The following SEMA6D variants were observed in gnomAD, a reference collection of about 807,000 sequenced individuals.
The protein encoded by SEMA6D is semaphorin 6D.
Under a neutral mutation model 106.6 loss-of-function variants are expected in SEMA6D, and 35 were observed. The observed-to-expected ratio is 0.33, with a 90% CI of 0.25 to 0.44. The LOEUF is 0.44. SEMA6D is among the 20% of genes least tolerant of loss of function. The pLI, the probability that SEMA6D is intolerant of heterozygous loss-of-function variation, is 1.00. For missense variants in SEMA6D, 1,185 were observed against 1,345.9 expected (o/e 0.88, Z 1.87); for synonymous variants, 499 against 487.7 (o/e 1.02, Z -0.31).
intron 4 of SEMA6D, among the ~76,000 whole-genome samples, chr15:47,711,142 T>C (rs917435521): frequency 1.3e-5 from 2 of 151,308 alleles, no homozygotes; most frequent in Admixed American, 6.6e-5. Context: ...ACCCCGTCTC[T>C]ACTAAAAATA....
chr15:47,634,817 G>C lies in SEMA6D; in HGVS notation c.-55+33921G>C, dbSNP rs80161803. On this transcript the variant is annotated intron_variant, in intron 4 of 19. Coordinates refer to the SEMA6D transcript ENST00000558014. ...GAAGAGCACTGCCTGCTTCTTCGGG[G>C]GTGGGGGCGGGGTGGAAGTTCAACT... Among the ~76,000 whole-genome samples, 1,182 of 151,992 alleles carry C rather than the reference G, an allele frequency of 7.8e-3. 17 individuals are homozygous for C. The highest frequency in any genetic ancestry group is 0.027 in the African/African-American group (1,129 of 41,428).
chr15:47,450,630 G>A (rs777811917), intron 2 of SEMA6D, among the ~76,000 whole-genome samples: 7 of 152,018 alleles, frequency 4.6e-5, no homozygotes, highest in Non-Finnish European at 8.8e-5. Flanking sequence ...ATCTCATAAG[G>A]TGACCTCAAG....
At chr15:47,593,846 C>G (rs1466402787) in intron 3 of SEMA6D, among the ~76,000 whole-genome samples, 3 of 152,106 alleles carry the variant, frequency 2.0e-5, no homozygotes. Context: ...CAGTGCTACA[C>G]ACTTAAACAA....
intron 2 of SEMA6D, among the ~76,000 whole-genome samples, chr15:47,416,228 T>C (rs1378922116): frequency 1.3e-5 from 2 of 152,118 alleles, no homozygotes; most frequent in Non-Finnish European, 2.9e-5. Context: ...GCAGCATCAT[T>C]TGTACCTTCT....
At chr15:47,359,393 A>G (rs902616770) in intron 1 of SEMA6D, 9 of 152,172 alleles carry the variant, frequency 5.9e-5, no homozygotes, top group African/African-American at 1.9e-4. Context: ...TAATGACTTA[A>G]TAAGTGTAAA....
intron 4 of SEMA6D, among the ~76,000 whole-genome samples, chr15:47,700,285 G>A (rs2078783337): frequency 6.6e-6 from 1 of 152,100 alleles, no homozygotes; most frequent in Admixed American, 6.5e-5. Context: ...CTGATTCTTG[G>A]GAGGCCAAGG....
intron 1 of SEMA6D, among the ~76,000 whole-genome samples, chr15:47,355,975 G>A (rs1275108758): frequency 6.6e-6 from 1 of 152,200 alleles, no homozygotes; most frequent in Non-Finnish European, 1.5e-5. Context: ...GGCATAGTGA[G>A]CTCTGAGAAT....
intron 3 of SEMA6D, among the ~76,000 whole-genome samples, chr15:47,490,988 C>G (rs1392005262): frequency 6.6e-6 from 1 of 152,084 alleles, no homozygotes; most frequent in Non-Finnish European, 1.5e-5. Context: ...AGTTTTCATT[C>G]ACATTGCTAG....
chr15:47,734,522 A>G (rs190283423), intron 1 of SEMA6D, among the ~76,000 whole-genome samples: 2 of 152,286 alleles, frequency 1.3e-5, no homozygotes, highest in African/African-American at 4.8e-5. Context: ...CTTGTCACCA[A>G]TGAAATTTAC....
intron 3 of SEMA6D, among the ~76,000 whole-genome samples, chr15:47,579,849 A>G (rs1314906895): frequency 6.6e-6 from 1 of 152,200 alleles, no homozygotes; most frequent in African/African-American, 2.4e-5. Context: ...GTAAAGAATC[A>G]TCACAAAATA....
At chr15:47,498,798 A>T (rs2043753376) in intron 3 of SEMA6D, among the ~76,000 whole-genome samples, 1 of 152,172 alleles carries the variant, frequency 6.6e-6, no homozygotes, top group Non-Finnish European at 1.5e-5. Context: ...ACTGCAGATC[A>T]GGAGAATCGT....
rs71118183 is a variant in SEMA6D, at chr15:47,454,599, G to GCACACACACACACACA, written c.-158-15862_-158-15847dup. Among the ~76,000 whole-genome samples the GCACACACACACACACA allele has an allele frequency of 6.1e-4, 91 of 148,986 alleles. 1 individual carries two copies. The highest frequency in any genetic ancestry group is 1.2e-3 in the African/African-American group (47 of 40,468). On this transcript the variant is annotated intron_variant, in intron 2 of 19. Coordinates refer to the SEMA6D transcript ENST00000558014. ...GAGAGTTTACCATCCTTGCACATGT[G>GCACACACACACACACA]CACACACACACACACACACACACAC... is the stretch of plus-strand genomic sequence containing the variant.
At position 47,767,098 on chromosome 15, in the gene SEMA6D, G is replaced by A; in HGVS notation, c.1765+5G>A. 1 of 1,555,874 alleles carries A rather than the reference G, an allele frequency of 6.4e-7. No individual in the cohort carries two copies. The highest frequency in any genetic ancestry group is 8.7e-7 in the Non-Finnish European group (1 of 1,145,900). ...TATTTGGCGGTCCAACATCTGGTTAGTTTTTTTTAATTTTTTTGAATTAAC... is the reference window on the plus strand; with the variant it reads ...TATTTGGCGGTCCAACATCTGGTTAATTTTTTTTAATTTTTTTGAATTAAC... On this transcript the variant is annotated splice_donor_5th_base_variant and intron_variant, in intron 17 of 18. Transcript: ENST00000536845.
At chr15:47,192,819 C>A (rs1176969039) in intron 1 of SEMA6D, among the ~76,000 whole-genome samples, 1 of 152,080 alleles carries the variant, frequency 6.6e-6, no homozygotes, top group Non-Finnish European at 1.5e-5. Flanking sequence ...AAGATTCTGG[C>A]CACACAGAAA....
At chr15:47,540,349 C>T (rs1459359074) in intron 3 of SEMA6D, among the ~76,000 whole-genome samples, 2 of 151,840 alleles carry the variant, frequency 1.3e-5, no homozygotes, top group African/African-American at 2.4e-5. Context: ...TGGTGGGCGA[C>T]CTCTGAATGT....
At chr15:47,443,794 T>A (rs951454130) in intron 2 of SEMA6D, among the ~76,000 whole-genome samples, 1 of 152,092 alleles carries the variant, frequency 6.6e-6, no homozygotes, top group African/African-American at 2.4e-5. Context: ...GCCCCTTGGC[T>A]TTTTTGGGAA....
chr15:47,313,602 T>C (rs902058122), intron 1 of SEMA6D, among the ~76,000 whole-genome samples: 1 of 152,228 alleles, frequency 6.6e-6, no homozygotes, highest in Non-Finnish European at 1.5e-5. Flanking sequence ...TCTCTCTCTG[T>C]TGCCTAGGCT....
chr15:47,292,543 G>C (rs971265450), intron 1 of SEMA6D, among the ~76,000 whole-genome samples: 1 of 152,100 alleles, frequency 6.6e-6, no homozygotes, highest in Admixed American at 6.6e-5. Flanking sequence ...CTTCAAGAAA[G>C]CTTGTTAACC....
chr15:47,692,606 G>A (rs1340776512), intron 4 of SEMA6D, among the ~76,000 whole-genome samples: 3 of 152,144 alleles, frequency 2.0e-5, no homozygotes, highest in South Asian at 2.1e-4. Flanking sequence ...ATTCTCCAAT[G>A]CTCAAAGCAA....
Sources: allele counts gnomAD v4.1 joint callset (sites outside exome capture counted in the v4.1 genomes callset), GRCh38; gene constraint gnomAD v4.1.1; transcripts MANE v1.5; gene names NCBI Gene and HGNC (gene_info 2026-07-23, HGNC 2026-07-21).